Variants in HIPK3 observed in about 807,000 individuals in gnomAD.
The protein encoded by HIPK3 is homeodomain-interacting protein kinase 3.
HIPK3 carries 47 observed loss-of-function variants against 124.2 expected under a neutral mutation model. The ratio of observed to expected loss-of-function variants is 0.38; its 90% confidence interval spans 0.30 to 0.48. HIPK3 has a LOEUF of 0.48. HIPK3 is among the 20% of genes least tolerant of loss of function. The probability of loss-of-function intolerance (pLI) is 0.98; values close to 1 mark genes in which losing one functional copy is unlikely to be tolerated. For synonymous variants in HIPK3, 482 were observed against 515.2 expected (o/e 0.94, Z 0.87); for missense variants, 1,286 against 1,454.3 (o/e 0.88, Z 1.88).
In HIPK3 at chr11:33,348,638, CAGAA is replaced by C. The variant is rs1853568591; in HGVS notation, c.2487_2490del (p.Gly831ArgfsTer36). 1 of 1,614,000 alleles carries C rather than the reference CAGAA, an allele frequency of 6.2e-7. No individual in the cohort carries two copies. Among genetic ancestry groups the C allele is most frequent in the Non-Finnish European group, 8.5e-7 (1 of 1,180,020 alleles). ...ATAGAAACACAGGACAATCAGAACT[CAGAA>C]GGAGAGGCAAGAAATTGCTGTGAAA... On this transcript the variant is annotated frameshift_variant, in exon 13 of 17. Coordinates refer to ENST00000303296, the MANE Select transcript of HIPK3 (RefSeq NM_005734.5). LOFTEE classifies it high-confidence loss of function.
intron 3 of HIPK3, among the ~76,000 whole-genome samples, chr11:33,336,336 CA>C (rs1227131566): frequency 2.0e-5 from 3 of 152,166 alleles, no homozygotes; most frequent in Non-Finnish European, 4.4e-5. Context: ...GCCTCTTCCC[CA>C]AGAGACACAG....
At chr11:33,334,275 C>A (rs1853073228) in intron 3 of HIPK3, among the ~76,000 whole-genome samples, 1 of 151,938 alleles carries the variant, frequency 6.6e-6, no homozygotes, top group Non-Finnish European at 1.5e-5. Flanking sequence ...TGCTTGGCAT[C>A]GTCAGGGATG....
intron 1 of HIPK3, among the ~76,000 whole-genome samples, chr11:33,285,428 G>A (rs1851521153): frequency 2.0e-5 from 3 of 152,062 alleles, no homozygotes; most frequent in African/African-American, 7.2e-5. Context: ...TCATTAACTT[G>A]TCTTTGTAAT....
chr11:33,315,011 A>G (rs1033909173), intron 2 of HIPK3, among the ~76,000 whole-genome samples: 7 of 152,232 alleles, frequency 4.6e-5, no homozygotes, highest in Non-Finnish European at 1.0e-4. Context: ...AATGCAATAC[A>G]AATATGTAGC....
intron 2 of HIPK3, among the ~76,000 whole-genome samples, chr11:33,307,592 G>A (rs35820297): frequency 2.7e-5 from 4 of 150,122 alleles, no homozygotes; most frequent in Non-Finnish European, 4.4e-5. Flanking sequence ...ATTTTTAGTA[G>A]AGACGGGGTT....
At chr11:33,328,984 T>A (rs1290757193) in intron 3 of HIPK3, among the ~76,000 whole-genome samples, 1 of 152,164 alleles carries the variant, frequency 6.6e-6, no homozygotes, top group Non-Finnish European at 1.5e-5. Flanking sequence ...GCATAAAAGC[T>A]CCTAAAAGGC....
chr11:33,276,737 A>G (rs930574544), intron 1 of HIPK3, among the ~76,000 whole-genome samples: 1 of 151,852 alleles, frequency 6.6e-6, no homozygotes, highest in Admixed American at 6.6e-5. Flanking sequence ...ATAGAGTCTC[A>G]CTCTGTTGCC....
intron 2 of HIPK3, among the ~76,000 whole-genome samples, chr11:33,307,755 G>GGTGTGTGTGTGT (rs150805766): frequency 1.2e-4 from 18 of 145,758 alleles, no homozygotes; most frequent in African/African-American, 4.5e-4. Context: ...TATTCTTGTT[G>GGTGTGTGTGTGT]GTGTGTGTGT....
chr11:33,261,092 G>C (rs1590332195), intron 1 of HIPK3, among the ~76,000 whole-genome samples: 1 of 143,304 alleles, frequency 7.0e-6, no homozygotes, highest in Admixed American at 7.1e-5. Context: ...AGTCTAAAGG[G>C]ATTATATGTA....
In HIPK3 at chr11:33,348,623, A is replaced by G. The variant is rs773864245; in HGVS notation, c.2471A>G (p.Gln824Arg). Residue 824 changes from glutamine to arginine, a missense_variant, in exon 13 of 17, where the codon CAG becomes CGG. Physicochemically the swap from Gln to Arg is conservative, Grantham distance 43 (BLOSUM62 1). Coordinates refer to ENST00000303296, the MANE Select transcript of HIPK3 (RefSeq NM_005734.5). ...GAGGAAGTAAGTTGTATAGAAACAC[A>G]GGACAATCAGAACTCAGAAGGAGAG... ...DVEEVSCIETQDNQNSEGEAR... is the reference protein window; with the variant it reads ...DVEEVSCIETRDNQNSEGEAR... 3.7e-6 allele frequency: 6 copies of G among 1,614,158 alleles called. No individual in the cohort carries two copies. In the South Asian group the frequency reaches 6.6e-5, roughly 18 times the overall value.
chr11:33,261,293 T>C (rs1259811202), intron 1 of HIPK3, among the ~76,000 whole-genome samples: 1 of 151,686 alleles, frequency 6.6e-6, no homozygotes, highest in Non-Finnish European at 1.5e-5. Flanking sequence ...GTGTTTGATG[T>C]ACGGATTATT....
chr11:33,265,828 GT>G (rs1367268135), intron 1 of HIPK3, among the ~76,000 whole-genome samples: 2 of 148,650 alleles, frequency 1.3e-5, no homozygotes, highest in Admixed American at 1.4e-4. Flanking sequence ...GCTCACGCCT[GT>G]AATCCCAGTA....
chr11:33,339,070 C>T, intron 5 of HIPK3, among the ~76,000 whole-genome samples: 1 of 152,104 alleles, frequency 6.6e-6, no homozygotes, highest in East Asian at 1.9e-4. Context: ...AAAGTTTTTG[C>T]TTTGAAAGGA....
chr11:33,292,656 G>T (rs1851729115), intron 2 of HIPK3, among the ~76,000 whole-genome samples: 1 of 152,176 alleles, frequency 6.6e-6, no homozygotes, highest in African/African-American at 2.4e-5. Flanking sequence ...TAAAGTAGTT[G>T]TTTGGGAACC....
chr11:33,308,472 T>G (rs1386460953), intron 2 of HIPK3, among the ~76,000 whole-genome samples: 2 of 152,244 alleles, frequency 1.3e-5, no homozygotes, highest in Non-Finnish European at 2.9e-5. Flanking sequence ...AATTACATCA[T>G]TCCATTTAAT....
chr11:33,264,009 T>G (rs887591059), intron 1 of HIPK3, among the ~76,000 whole-genome samples: 1 of 152,202 alleles, frequency 6.6e-6, no homozygotes, highest in Admixed American at 6.5e-5. Context: ...AAAATAAAAC[T>G]AAGATACATC....
chr11:33,271,354 G>C (rs1219176146), intron 1 of HIPK3, among the ~76,000 whole-genome samples: 2 of 152,142 alleles, frequency 1.3e-5, no homozygotes, highest in Non-Finnish European at 2.9e-5. Context: ...TGGGCACATT[G>C]CTTGAGCCCA....
At chr11:33,285,567 CAAA>C (rs10573152) in intron 1 of HIPK3, among the ~76,000 whole-genome samples, 2,844 of 146,482 alleles carry the variant, frequency 0.019, 34 homozygotes, top group South Asian at 0.046. Context: ...AACTCTGTCT[CAAA>C]AAAAAAAAAT....
chr11:33,304,497 C>T (rs528374699), intron 2 of HIPK3, among the ~76,000 whole-genome samples: 2 of 150,932 alleles, frequency 1.3e-5, no homozygotes, highest in African/African-American at 2.4e-5. Context: ...GCGGAGGTTG[C>T]GGAGAGCCGA....
Sources: allele counts gnomAD v4.1 joint callset (sites outside exome capture counted in the v4.1 genomes callset), GRCh38; gene constraint gnomAD v4.1.1; transcripts MANE v1.5; gene names NCBI Gene and HGNC (gene_info 2026-07-23, HGNC 2026-07-21).